Variants in FAM107B observed in about 807,000 individuals in gnomAD.
FAM107B encodes protein FAM107B.
A neutral mutation model predicts 31.5 loss-of-function variants in FAM107B; 21 were observed. That is an observed-to-expected ratio of 0.67 (90% CI 0.47 to 0.96). The LOEUF is 0.96. Among genes scored for constraint, FAM107B ranks in the 40% least tolerant of loss-of-function variants. The pLI is 0.00. For missense variants in FAM107B, 452 were observed against 377.1 expected, an observed-to-expected ratio of 1.20 and a Z score of -1.64; for synonymous variants, 157 against 141.5, an observed-to-expected ratio of 1.11 and a Z score of -0.78.
intron 1 of FAM107B, among the ~76,000 whole-genome samples, chr10:14,771,975 C>T (rs1833313894): frequency 6.6e-6 from 1 of 152,170 alleles, no homozygotes; most frequent in Non-Finnish European, 1.5e-5. Flanking sequence ...CCAGTCCTGT[C>T]TCTGCCACAT....
At chr10:14,565,367 G>A (rs940672697) in intron 2 of FAM107B, among the ~76,000 whole-genome samples, 6 of 152,090 alleles carry the variant, frequency 3.9e-5, no homozygotes, top group South Asian at 2.1e-4. Flanking sequence ...GAGAACCCTC[G>A]GCAGACATAG....
At chr10:14,632,337 C>G (rs2031619) in intron 2 of FAM107B, among the ~76,000 whole-genome samples, 1 of 141,588 alleles carries the variant, frequency 7.1e-6, no homozygotes, top group African/African-American at 2.7e-5. Context: ...AAATGCCGGG[C>G]GCAGTGGCTC....
At chr10:14,742,765 G>A (rs960799439) in intron 1 of FAM107B, among the ~76,000 whole-genome samples, 1 of 151,900 alleles carries the variant, frequency 6.6e-6, no homozygotes, top group Non-Finnish European at 1.5e-5. Flanking sequence ...CTTAGCTCCT[G>A]CCCTATCTTG....
intron 1 of FAM107B, among the ~76,000 whole-genome samples, chr10:14,690,577 C>G (rs1178776225): frequency 6.6e-6 from 1 of 152,066 alleles, no homozygotes. Flanking sequence ...TTCAGCCTCC[C>G]GAGTAGCTGG....
intron 1 of FAM107B, among the ~76,000 whole-genome samples, chr10:14,725,990 T>G (rs1856025990): frequency 7.1e-6 from 1 of 141,380 alleles, no homozygotes. Flanking sequence ...CACACCCGGC[T>G]AATTTTTTTT....
intron 1 of FAM107B, among the ~76,000 whole-genome samples, chr10:14,697,091 C>T (rs184938094): frequency 1.1e-4 from 17 of 152,250 alleles, no homozygotes; most frequent in East Asian, 3.9e-4. Flanking sequence ...TTAGAGTGCA[C>T]GCTTTTTGGC....
At chr10:14,750,403 G>A (rs967800934) in intron 1 of FAM107B, among the ~76,000 whole-genome samples, 3 of 152,104 alleles carry the variant, frequency 2.0e-5, no homozygotes, top group African/African-American at 4.8e-5. Flanking sequence ...TTTGAGGTCG[G>A]GAGTTCAAGA....
At chr10:14,770,892 C>T (rs561634228) in intron 1 of FAM107B, among the ~76,000 whole-genome samples, 21 of 148,356 alleles carry the variant, frequency 1.4e-4, no homozygotes, top group Non-Finnish European at 2.4e-4. Flanking sequence ...TATAAATGAG[C>T]CACCCTCCTG....
chr10:14,556,303 T>A (rs1849694680), intron 2 of FAM107B: 1 of 970,070 alleles, frequency 1.0e-6, no homozygotes, highest in Admixed American at 6.2e-5. Context: ...AAATTTACAA[T>A]TGATAAAGTC....
chr10:14,582,809 G>A (rs1008099748), intron 2 of FAM107B, among the ~76,000 whole-genome samples: 6 of 152,078 alleles, frequency 3.9e-5, no homozygotes, highest in Admixed American at 6.5e-5. Flanking sequence ...AAACTCGCCG[G>A]GCATGGTGGC....
At chr10:14,712,519 G>A (rs941388456) in intron 1 of FAM107B, among the ~76,000 whole-genome samples, 3 of 147,744 alleles carry the variant, frequency 2.0e-5, no homozygotes, top group Non-Finnish European at 3.0e-5. Context: ...GTTTGAACCC[G>A]GGAGGCAGAG....
chr10:14,533,475 T>C (rs946836197), intron 2 of FAM107B, among the ~76,000 whole-genome samples: 15 of 152,216 alleles, frequency 9.9e-5, no homozygotes, highest in Admixed American at 5.2e-4. Context: ...AGAGGTGACA[T>C]TGAGAGGGCA....
At chr10:14,695,271 T>C (rs962588890) in intron 1 of FAM107B, among the ~76,000 whole-genome samples, 1 of 151,620 alleles carries the variant, frequency 6.6e-6, no homozygotes, top group South Asian at 2.1e-4. Context: ...TTTCCCCATG[T>C]GTTCTCTTGA....
At chr10:14,586,581 C>A (rs1851849396) in intron 2 of FAM107B, among the ~76,000 whole-genome samples, 1 of 152,150 alleles carries the variant, frequency 6.6e-6, no homozygotes. Flanking sequence ...TCCCTCTCCA[C>A]CATGTGGGGA....
intron 1 of FAM107B, among the ~76,000 whole-genome samples, chr10:14,695,698 C>A (rs1364119427): frequency 6.6e-6 from 1 of 152,158 alleles, no homozygotes; most frequent in East Asian, 1.9e-4. Flanking sequence ...ACAAATCTTT[C>A]ACCTTGTTGG....
intron 2 of FAM107B, among the ~76,000 whole-genome samples, chr10:14,654,449 T>C (rs1161854908): frequency 6.6e-6 from 1 of 152,150 alleles, no homozygotes; most frequent in Admixed American, 6.6e-5. Context: ...TGGAGAAAGG[T>C]CTTTAGTAAC....
chr10:14,728,633 T>C (rs1856092897), intron 1 of FAM107B, among the ~76,000 whole-genome samples: 1 of 152,146 alleles, frequency 6.6e-6, no homozygotes, highest in South Asian at 2.1e-4. Flanking sequence ...TCTTACCGCA[T>C]GGTGATTTAT....
At chr10:14,696,090 A>G (rs548212552) in intron 1 of FAM107B, among the ~76,000 whole-genome samples, 14 of 152,256 alleles carry the variant, frequency 9.2e-5, no homozygotes, top group Admixed American at 3.9e-4. Context: ...GTTGTTCCCC[A>G]TTTATTATAA....
intron 2 of FAM107B, among the ~76,000 whole-genome samples, chr10:14,626,572 C>T (rs1853170373): frequency 1.4e-5 from 2 of 146,568 alleles, no homozygotes; most frequent in Non-Finnish European, 3.0e-5. Context: ...GGCGTGAGCT[C>T]GACTCACTGC....
Sources: gnomAD v4.1 joint callset for allele counts (sites outside exome capture counted in the v4.1 genomes callset) on GRCh38, gnomAD v4.1.1 for gene constraint, MANE v1.5 for transcripts, NCBI Gene and HGNC (gene_info 2026-07-23, HGNC 2026-07-21) for gene names.